Variants in CNTNAP2 observed in about 807,000 individuals in gnomAD.
The protein encoded by CNTNAP2 is contactin associated protein 2, also known as contactin-associated protein-like 2.
Under a neutral mutation model 155.2 loss-of-function variants are expected in CNTNAP2, and 98 were observed. The observed-to-expected ratio is 0.63, with a 90% CI of 0.54 to 0.75. The LOEUF is 0.75. Ranked by LOEUF, CNTNAP2 falls within the 30% of genes least tolerant of loss-of-function variation. CNTNAP2 has a pLI of 0.00. For synonymous variants in CNTNAP2, 651 were observed against 631.2 expected (o/e 1.03, Z -0.47); for missense variants, 1,727 against 1,688.1 (o/e 1.02, Z -0.40).
At chr7:148,388,463 A>G (rs1799268549) in intron 22 of CNTNAP2, among the ~76,000 whole-genome samples, 1 of 152,030 alleles carries the variant, frequency 6.6e-6, no homozygotes, top group Non-Finnish European at 1.5e-5. Context: ...GTCCCTAGAA[A>G]GGACATGAAC....
chr7:146,198,869 C>A (rs1395350402), intron 1 of CNTNAP2, among the ~76,000 whole-genome samples: 1 of 151,536 alleles, frequency 6.6e-6, no homozygotes, highest in Non-Finnish European at 1.5e-5. Context: ...TCATTGATTT[C>A]TTGGCATTTT....
At chr7:147,914,742 G>T (rs751358883) in intron 14 of CNTNAP2, among the ~76,000 whole-genome samples, 80 of 152,038 alleles carry the variant, frequency 5.3e-4, no homozygotes, top group Admixed American at 1.2e-3. Flanking sequence ...GTAGAGATGG[G>T]GGTCTTGCCA....
At chr7:147,624,517 A>G (rs774009017) in intron 12 of CNTNAP2, among the ~76,000 whole-genome samples, 2 of 152,236 alleles carry the variant, frequency 1.3e-5, no homozygotes. Flanking sequence ...AGTGCTAGAC[A>G]TCATTGATCA....
chr7:147,492,426 C>T (rs1355357586), intron 11 of CNTNAP2, among the ~76,000 whole-genome samples: 2 of 152,128 alleles, frequency 1.3e-5, no homozygotes, highest in African/African-American at 2.4e-5. Flanking sequence ...AAAATAGATA[C>T]AGATATGTTT....
chr7:147,298,040 A>G (rs942493310), intron 8 of CNTNAP2, among the ~76,000 whole-genome samples: 1 of 152,224 alleles, frequency 6.6e-6, no homozygotes, highest in Admixed American at 6.5e-5. Flanking sequence ...ATTTATACAT[A>G]TATTCACTTG....
intron 1 of CNTNAP2, among the ~76,000 whole-genome samples, chr7:146,391,842 T>A (rs1441632670): frequency 6.6e-6 from 1 of 151,918 alleles, no homozygotes; most frequent in African/African-American, 2.4e-5. Flanking sequence ...TTTTGGAGGA[T>A]AGAGGGTAGA....
chr7:147,366,785 A>G (rs922514379), intron 9 of CNTNAP2, among the ~76,000 whole-genome samples: 5 of 121,408 alleles, frequency 4.1e-5, no homozygotes, highest in East Asian at 2.2e-4. Context: ...TTGCACGCAC[A>G]CACACACACA....
At chr7:148,232,913 T>C (rs1024522025) in intron 20 of CNTNAP2, among the ~76,000 whole-genome samples, 4 of 152,190 alleles carry the variant, frequency 2.6e-5, no homozygotes, top group African/African-American at 7.2e-5. Context: ...AAACTGACCT[T>C]GGATGAAACA....
chr7:146,584,682 G>C (rs572498564), intron 1 of CNTNAP2, among the ~76,000 whole-genome samples: 2 of 152,188 alleles, frequency 1.3e-5, no homozygotes, highest in African/African-American at 4.8e-5. Flanking sequence ...TCCAGAAGCC[G>C]GCCCTGCCCC....
At chr7:146,744,063 C>A (rs967914122) in intron 1 of CNTNAP2, among the ~76,000 whole-genome samples, 7 of 151,560 alleles carry the variant, frequency 4.6e-5, no homozygotes, top group Non-Finnish European at 1.0e-4. Context: ...TCTGTCGCTA[C>A]TAAAAAATAC....
chr7:147,767,074 C>T (rs1797393055), intron 13 of CNTNAP2, among the ~76,000 whole-genome samples: 1 of 152,082 alleles, frequency 6.6e-6, no homozygotes, highest in Non-Finnish European at 1.5e-5. Flanking sequence ...TAATCCATTT[C>T]TACCCTAAAC....
chr7:146,376,584 TG>T lies in CNTNAP2; in HGVS notation c.97+259612del, dbSNP rs148797716. 9.9e-3 allele frequency among the ~76,000 whole-genome samples: 1,502 copies of T among 152,292 alleles called. 17 individuals carry two copies. The highest frequency in any genetic ancestry group is 0.033 in the African/African-American group (1,363 of 41,556). On this transcript the variant is annotated intron_variant, in intron 1 of 23. Transcript: ENST00000361727. ...TTTCTGTTATTTCATCTGCATGTAT[TG>T]TTATTGTTTTTTCCAGTTTATATTT... is the stretch of plus-strand genomic sequence containing the variant.
chr7:146,520,895 A>G (rs1226629479), intron 1 of CNTNAP2, among the ~76,000 whole-genome samples: 1 of 151,898 alleles, frequency 6.6e-6, no homozygotes, highest in African/African-American at 2.4e-5. Context: ...GTTTTTGTGC[A>G]GTTTCCAGCT....
intron 14 of CNTNAP2, among the ~76,000 whole-genome samples, chr7:147,949,458 A>ATATATATATATATATATTT (rs1433579404): frequency 1.1e-4 from 15 of 137,382 alleles, no homozygotes; most frequent in Admixed American, 8.0e-4. Context: ...ATATATATAT[A>ATATATATATATATATATTT]TTTTTTTTTT....
chr7:146,312,076 G>A (rs1800834927), intron 1 of CNTNAP2, among the ~76,000 whole-genome samples: 1 of 152,106 alleles, frequency 6.6e-6, no homozygotes, highest in Non-Finnish European at 1.5e-5. Flanking sequence ...GCGTTTTTCT[G>A]GAAGAGGCTA....
chr7:148,318,814 G>A (rs1336329430), intron 21 of CNTNAP2, among the ~76,000 whole-genome samples: 1 of 152,160 alleles, frequency 6.6e-6, no homozygotes, highest in African/African-American at 2.4e-5. Context: ...TTTATTATGA[G>A]AGGGCAGAGA....
At chr7:146,812,506 T>G (rs1378969341) in intron 2 of CNTNAP2, among the ~76,000 whole-genome samples, 1 of 150,942 alleles carries the variant, frequency 6.6e-6, no homozygotes, top group African/African-American at 2.4e-5. Flanking sequence ...ACATGCCAGT[T>G]TGTTACATAT....
At chr7:146,345,550 C>G (rs1794807391) in intron 1 of CNTNAP2, among the ~76,000 whole-genome samples, 1 of 152,168 alleles carries the variant, frequency 6.6e-6, no homozygotes, top group African/African-American at 2.4e-5. Context: ...CACTCTCTCT[C>G]TCATTCTTAC....
chr7:147,731,309 G>A (rs1239803031), intron 13 of CNTNAP2, among the ~76,000 whole-genome samples: 1 of 152,038 alleles, frequency 6.6e-6, no homozygotes, highest in African/African-American at 2.4e-5. Context: ...GACAGACCTT[G>A]TTAGGTTACT....
Sources: allele counts gnomAD v4.1 joint callset (sites outside exome capture counted in the v4.1 genomes callset), GRCh38; gene constraint gnomAD v4.1.1; transcripts MANE v1.5; gene names NCBI Gene and HGNC (gene_info 2026-07-23, HGNC 2026-07-21).